The following ASIP variants were observed in gnomAD, a reference collection of about 807,000 sequenced individuals.
ASIP encodes agouti signaling protein.
ASIP carries 11 observed loss-of-function variants against 10.3 expected under a neutral mutation model. The observed-to-expected ratio is 1.07, with a 90% CI of 0.68 to 1.78. The LOEUF is 1.78. Among genes scored for constraint, ASIP ranks in the 40% most tolerant of loss-of-function variants. The probability of loss-of-function intolerance (pLI) is 0.00; values close to 1 mark genes in which losing one functional copy is unlikely to be tolerated. For synonymous variants in ASIP, 70 were observed against 70.8 expected (o/e 0.99, Z 0.06); for missense variants, 180 against 169.2 (o/e 1.06, Z -0.35).
intron 1 of ASIP, among the ~76,000 whole-genome samples, chr20:34,198,548 G>A (rs1184166200): frequency 6.6e-6 from 1 of 152,062 alleles, no homozygotes; most frequent in Admixed American, 6.6e-5. Context: ...GTGCAGTGGT[G>A]TGATCATCCT....
At chr20:34,238,234 G>A (rs1395927049), upstream of ASIP, among the ~76,000 whole-genome samples, 1 of 151,916 alleles carries the variant, frequency 6.6e-6, no homozygotes, top group Admixed American at 6.6e-5. Context: ...AAATATTCTG[G>A]GTTTTTTTCT....
At chr20:34,208,483 T>C (rs994010120) in intron 1 of ASIP, among the ~76,000 whole-genome samples, 1 of 152,080 alleles carries the variant, frequency 6.6e-6, no homozygotes, top group African/African-American at 2.4e-5. Context: ...GCCTCCTGAG[T>C]AGCTGGGATT....
At chr20:34,214,579 A>C (rs1601574400) in intron 1 of ASIP, 4 of 1,409,284 alleles carry the variant, frequency 2.8e-6, no homozygotes, top group South Asian at 1.1e-5. Context: ...AGAACTAAAA[A>C]CTCTGCGAAC....
At chr20:34,197,411 G>A (rs532122402) in intron 1 of ASIP, among the ~76,000 whole-genome samples, 16 of 152,260 alleles carry the variant, frequency 1.1e-4, no homozygotes, top group Non-Finnish European at 2.1e-4. Flanking sequence ...CAGGTCTTAC[G>A]CATTTTCACT....
chr20:34,188,800 G>A, the ASIP span, among the ~76,000 whole-genome samples: 1 of 152,108 alleles, frequency 6.6e-6, no homozygotes, highest in Non-Finnish European at 1.5e-5. Flanking sequence ...AATGACTGAA[G>A]TTTGGGAGAC....
chr20:34,261,973 T>G (rs969761613), intron 2 of ASIP, among the ~76,000 whole-genome samples: 2 of 149,144 alleles, frequency 1.3e-5, no homozygotes, highest in Admixed American at 6.7e-5. Flanking sequence ...ATTAGCCAGG[T>G]GTGGTGGTAC....
rs1329054391 is a variant in ASIP at position 34,235,821 on chromosome 20, GA to G, written c.-10-24541del. Among the ~76,000 whole-genome samples, 44 of 60,882 alleles carry G rather than the reference GA, an allele frequency of 7.2e-4. 1 individual carries two copies. Among genetic ancestry groups the G allele is most frequent in the Admixed American group, 7.8e-4 (4 of 5,158 alleles). The allele number at this position is 60,882 out of a possible 152,430, so 39.9% of individuals were successfully genotyped here. On this transcript the variant is annotated intron_variant, in intron 1 of 3. Transcript: ENST00000568305. The stretch of plus-strand genomic sequence containing the variant: ...AGAAAGAAAGAAAGAAAGAAAGAAA[GA>G]AAGAAAGAAAGAAAGAAAGAAGGAA...
At chr20:34,232,152 T>C (rs1169278393) in intron 1 of ASIP, among the ~76,000 whole-genome samples, 1 of 152,226 alleles carries the variant, frequency 6.6e-6, no homozygotes, top group East Asian at 1.9e-4. Context: ...GGAACCCACA[T>C]TTTATAGAAA....
chr20:34,263,106 G>A lies in ASIP; in HGVS notation c.222+213G>A, dbSNP rs375604124. The stretch of plus-strand genomic sequence containing the variant: ...AGCTGAAGTCCACTGAGCAAAATAG[G>A]TTACGAAAAGCAGCTTCCTCTACTA... On this transcript the variant is annotated intron_variant, in intron 3 of 3. Transcript: ENST00000374954. Among the ~76,000 whole-genome samples, 43 of 152,262 alleles carry A rather than the reference G, an allele frequency of 2.8e-4. No homozygotes were observed. In the South Asian group the frequency reaches 7.7e-3, roughly 27 times the overall value.
At chr20:34,244,959 C>T (rs2122614400) in intron 1 of ASIP, among the ~76,000 whole-genome samples, 1 of 152,260 alleles carries the variant, frequency 6.6e-6, no homozygotes, top group South Asian at 2.1e-4. Context: ...TTTTAAAAAT[C>T]ACTCAGCTTT....
chr20:34,254,628 G>A (rs970258191), intron 1 of ASIP, among the ~76,000 whole-genome samples: 3 of 152,094 alleles, frequency 2.0e-5, no homozygotes, highest in Admixed American at 6.6e-5. Context: ...GAAGATCCAT[G>A]CCTTTTTGCT....
upstream of ASIP, among the ~76,000 whole-genome samples, chr20:34,238,067 A>G (rs541240135): frequency 6.6e-6 from 1 of 152,312 alleles, no homozygotes; most frequent in East Asian, 1.9e-4. Flanking sequence ...TGCTGCTTCC[A>G]AGATTTTATC....
chr20:34,214,787 G>A (rs1373346022), intron 1 of ASIP: 1 of 1,483,542 alleles, frequency 6.7e-7, no homozygotes, highest in Non-Finnish European at 9.4e-7. Context: ...AGCACTGTAA[G>A]CTGTTTCAAA....
intron 1 of ASIP, among the ~76,000 whole-genome samples, chr20:34,249,050 AC>A (rs2035428901): frequency 6.6e-6 from 1 of 150,572 alleles, no homozygotes; most frequent in Non-Finnish European, 1.5e-5. Flanking sequence ...AATTGCTTGA[AC>A]CCTGAAGGCA....
intron 1 of ASIP, chr20:34,214,760 C>T (rs2034996573): frequency 7.4e-7 from 1 of 1,344,462 alleles, no homozygotes; most frequent in Admixed American, 1.7e-5. Flanking sequence ...TCCACATTAG[C>T]TTTTTGCTGA....
At chr20:34,251,912 C>T (rs889722598) in intron 1 of ASIP, among the ~76,000 whole-genome samples, 2 of 152,160 alleles carry the variant, frequency 1.3e-5, no homozygotes, top group South Asian at 4.1e-4. Context: ...TCCCAGCCTC[C>T]AGAACCATGA....
intron 1 of ASIP, chr20:34,214,773 C>T (rs1601574508): frequency 2.1e-5 from 30 of 1,425,988 alleles, no homozygotes; most frequent in South Asian, 1.1e-4. Flanking sequence ...TTTGCTGATC[C>T]GAGAGCACTG....
At chr20:34,187,238 T>C in the ASIP span, among the ~76,000 whole-genome samples, 10 of 152,138 alleles carry the variant, frequency 6.6e-5, no homozygotes, top group African/African-American at 2.4e-4. Context: ...ATAATTCTGG[T>C]GGTAGTCCTA....
intron 1 of ASIP, among the ~76,000 whole-genome samples, chr20:34,255,968 C>G (rs1279836737): frequency 6.6e-6 from 1 of 152,226 alleles, no homozygotes; most frequent in Non-Finnish European, 1.5e-5. Flanking sequence ...GTCAGGCCCA[C>G]CCGCAGCCTC....
Sources: gnomAD v4.1 joint callset for allele counts (sites outside exome capture counted in the v4.1 genomes callset) on GRCh38, gnomAD v4.1.1 for gene constraint, MANE v1.5 for transcripts, NCBI Gene and HGNC (gene_info 2026-07-23, HGNC 2026-07-21) for gene names.